AGXT2: variants seen among roughly 807,000 people sequenced by gnomAD.
The protein encoded by AGXT2 is alanine--glyoxylate aminotransferase 2, mitochondrial.
Under a neutral mutation model 62.5 loss-of-function variants are expected in AGXT2, and 61 were observed. That is an observed-to-expected ratio of 0.98 (90% confidence interval 0.79 to 1.21). The LOEUF is 1.21. Among genes scored for constraint, AGXT2 ranks in the 50% most tolerant of loss-of-function variants. The pLI is 0.00. For missense variants in AGXT2, 666 were observed against 641.5 expected (o/e 1.04, Z -0.41); for synonymous variants, 243 against 218.7 (o/e 1.11, Z -0.98).
At chr5:35,027,169 C>A (rs1767388801) in intron 7 of AGXT2, 1 of 242,552 alleles carries the variant, frequency 4.1e-6, no homozygotes, top group African/African-American at 2.3e-5. Flanking sequence ...TGTGGCCAGG[C>A]AAGCTGTTTG....
chr5:35,014,254 C>T (rs1766761013), intron 9 of AGXT2, 135 bp from the exon 10 acceptor site: 5 of 1,172,282 alleles, frequency 4.3e-6, no homozygotes, highest in Admixed American at 2.0e-5. Flanking sequence ...GAGTTCAAGA[C>T]CAGCCTGGCC....
chr5:35,047,944 C>G lies in AGXT2; in HGVS notation c.-52G>C. ...ATGGAAGCAGATTGGAGGCCGGGCT[C>G]TAACTGCTCACTATCCTGCTGGACT... On this transcript the variant is annotated 5_prime_UTR_variant, in exon 1 of 14. Coordinates refer to ENST00000231420, the MANE Select transcript of AGXT2 (RefSeq NM_031900.4). The G allele has an allele frequency of 6.2e-7, 1 of 1,611,506 alleles. No individual in the cohort carries two copies. Among genetic ancestry groups the G allele is most frequent in the Non-Finnish European group, 8.5e-7 (1 of 1,178,792 alleles).
At chr5:35,036,749 T>C (rs887399710) in intron 4 of AGXT2, among the ~76,000 whole-genome samples, 193 bp downstream of exon 4, 1 of 152,202 alleles carries the variant, frequency 6.6e-6, no homozygotes, top group African/African-American at 2.4e-5. Flanking sequence ...CCTTCTTCTG[T>C]CTGATTGCTT....
intron 7 of AGXT2, among the ~76,000 whole-genome samples, chr5:35,028,517 G>A (rs551691530): frequency 6.7e-6 from 1 of 148,754 alleles, no homozygotes; most frequent in African/African-American, 2.5e-5. Context: ...TCATCTGTGT[G>A]TCAGAATTGG....
chr5:35,003,373 G>A (rs1304881384), intron 13 of AGXT2, among the ~76,000 whole-genome samples: 1 of 152,120 alleles, frequency 6.6e-6, no homozygotes, highest in Non-Finnish European at 1.5e-5. Flanking sequence ...AGCTAAGAAC[G>A]GCCAGAATTG....
chr5:35,041,506 A>G (rs1044100033), intron 1 of AGXT2, among the ~76,000 whole-genome samples: 1 of 152,210 alleles, frequency 6.6e-6, no homozygotes, highest in Non-Finnish European at 1.5e-5. Flanking sequence ...CTTCCCTGCC[A>G]GCACAGACTT....
intron 9 of AGXT2, 88 bp downstream of exon 9, chr5:35,025,675 G>C: frequency 7.2e-7 from 1 of 1,386,258 alleles, no homozygotes; most frequent in Non-Finnish European, 1.0e-6. Flanking sequence ...GAGGCTTTCT[G>C]CCTGGAACAC....
intron 12 of AGXT2, among the ~76,000 whole-genome samples, chr5:35,004,353 C>T (rs1030183336): frequency 7.2e-5 from 11 of 152,114 alleles, no homozygotes; most frequent in African/African-American, 2.7e-4. Flanking sequence ...GAGGAGGGGC[C>T]GGTTTGTCCT....
At position 35,035,835 on chromosome 5, in the gene AGXT2, G is replaced by T. The variant is rs1210508021; in HGVS notation, c.487-519C>A. On this transcript the variant is annotated intron_variant, in intron 4 of 13. Coordinates refer to ENST00000231420, the MANE Select transcript of AGXT2 (RefSeq NM_031900.4). ...CTCACGCCTGTAATCCCAGCACTTT[G>T]GGAGGTTGAGGCGGGCGGATCACTT... Among the ~76,000 whole-genome samples, 11 of 152,320 alleles carry T rather than the reference G, an allele frequency of 7.2e-5. No individual in the cohort carries two copies. The East Asian group carries it at 1.7e-3, about 24-fold the overall frequency.
chr5:35,003,062 G>A (rs952063872), intron 13 of AGXT2, among the ~76,000 whole-genome samples: 6 of 152,194 alleles, frequency 3.9e-5, no homozygotes, highest in Admixed American at 1.3e-4. Flanking sequence ...CTGGGGAGAG[G>A]CTGTTGCTGT....
At chr5:35,031,578 G>T (rs1020795241) in intron 7 of AGXT2, among the ~76,000 whole-genome samples, 1 of 152,208 alleles carries the variant, frequency 6.6e-6, no homozygotes, top group Non-Finnish European at 1.5e-5. Flanking sequence ...CAGAGGCAGG[G>T]CTTGTTGATT....
intron 9 of AGXT2, among the ~76,000 whole-genome samples, chr5:35,022,578 TG>T (rs530610340): frequency 4.7e-3 from 250 of 53,206 alleles, no homozygotes; most frequent in African/African-American, 0.014. Context: ...TGTTGTGGGG[TG>T]GGGGGAGGGG....
At chr5:35,044,553 A>G (rs1768115653) in intron 1 of AGXT2, among the ~76,000 whole-genome samples, 1 of 152,226 alleles carries the variant, frequency 6.6e-6, no homozygotes, top group Admixed American at 6.5e-5. Flanking sequence ...TCCTACCAGA[A>G]GTTACTCTAC....
At chr5:35,022,421 A>T (rs1388313233) in intron 9 of AGXT2, among the ~76,000 whole-genome samples, 4 of 151,908 alleles carry the variant, frequency 2.6e-5, no homozygotes, top group African/African-American at 4.8e-5. Context: ...ATGTCCTTTG[A>T]AGGGACATGG....
chr5:35,032,716 C>G lies in AGXT2; in HGVS notation c.769+16G>C, dbSNP rs1767613725. On this transcript the variant is annotated intron_variant, in intron 7 of 13. Coordinates refer to ENST00000231420, the MANE Select transcript of AGXT2 (RefSeq NM_031900.4). ...ACTTCCAACACTCCACTGGCACCCC[C>G]CTTGCCCAGTCGGACCTGGTGCACA... is the stretch of plus-strand genomic sequence containing the variant. 6.3e-7 allele frequency: 1 copy of G among 1,594,034 alleles called. No individual in the cohort carries two copies. Among genetic ancestry groups the G allele is most frequent in the Non-Finnish European group, 8.6e-7 (1 of 1,168,302 alleles).
At chr5:35,010,721 GGT>G (rs1182491160) in intron 11 of AGXT2, among the ~76,000 whole-genome samples, 3 of 152,070 alleles carry the variant, frequency 2.0e-5, no homozygotes, top group Non-Finnish European at 4.4e-5. Flanking sequence ...AAAGAATAAA[GGT>G]GTGTCTCAAT....
At chr5:35,033,898 T>C (rs1022669073) in intron 5 of AGXT2, among the ~76,000 whole-genome samples, 4 of 152,226 alleles carry the variant, frequency 2.6e-5, no homozygotes, top group East Asian at 1.9e-4. Context: ...GTCTTCGAAG[T>C]AGTCGCTTTG....
chr5:35,036,910 A>G, intron 4 of AGXT2, 32 bp downstream of exon 4: 1 of 1,613,436 alleles, frequency 6.2e-7, no homozygotes. Context: ...TTTCCCCCAT[A>G]ACATTCACCT....
At chr5:35,035,756 C>G (rs1767740259) in intron 4 of AGXT2, among the ~76,000 whole-genome samples, 2 of 152,172 alleles carry the variant, frequency 1.3e-5, no homozygotes, top group Non-Finnish European at 2.9e-5. Context: ...CCCAGCCTGA[C>G]TATGCTGTGT....
Sources: allele counts gnomAD v4.1 joint callset (sites outside exome capture counted in the v4.1 genomes callset), GRCh38; gene constraint gnomAD v4.1.1; transcripts MANE v1.5; gene names NCBI Gene and HGNC (gene_info 2026-07-23, HGNC 2026-07-21).